Variants in RIPK1 observed in about 807,000 individuals in gnomAD.
The protein encoded by RIPK1 is receptor interacting serine/threonine kinase 1, also known as receptor-interacting serine/threonine-protein kinase 1.
In RIPK1, 27 loss-of-function variants were observed where a neutral mutation model predicts 62.4. The ratio of observed to expected loss-of-function variants is 0.43; its 90% confidence interval spans 0.32 to 0.60. RIPK1 has a LOEUF of 0.60. RIPK1 is among the 20% of genes least tolerant of loss of function. The probability of loss-of-function intolerance (pLI) is 0.07; values close to 1 mark genes in which losing one functional copy is unlikely to be tolerated. For missense variants in RIPK1, 735 were observed against 831.0 expected, an observed-to-expected ratio of 0.88 and a Z score of 1.42; for synonymous variants, 287 against 303.2, an observed-to-expected ratio of 0.95 and a Z score of 0.55.
chr6:3,099,040 G>C (rs746596164), intron 7 of RIPK1, among the ~76,000 whole-genome samples: 4 of 152,228 alleles, frequency 2.6e-5, no homozygotes, highest in Non-Finnish European at 5.9e-5. Context: ...ATCCCTCCTT[G>C]AGGGGGAATC....
chr6:3,095,487 AG>A (rs1760241399), intron 7 of RIPK1, among the ~76,000 whole-genome samples: 1 of 152,246 alleles, frequency 6.6e-6, no homozygotes, highest in Non-Finnish European at 1.5e-5. Flanking sequence ...CTGGAAAATA[AG>A]GTACAAGAAA....
At chr6:3,099,375 T>G (rs926401090) in intron 7 of RIPK1, among the ~76,000 whole-genome samples, 7 of 152,206 alleles carry the variant, frequency 4.6e-5, no homozygotes, top group Non-Finnish European at 8.8e-5. Flanking sequence ...AAACCCCATC[T>G]CTACTAAAAA....
chr6:3,083,187 G>A lies in RIPK1; in HGVS notation c.562G>A (p.Gly188Ser), dbSNP rs369855897. ...EVDGTAKKNG[G>S]TLYYMAPEHL... ...GGACGGCACCGCTAAGAAGAATGGC[G>A]GCACCCTCTACTACATGGCGCCCGA... The change falls in exon 5 of 11, where the codon GGC (glycine) becomes AGC (serine). Residue 188 changes from glycine (G) to serine (S), a missense_variant. Physicochemically the swap from Gly to Ser is moderately conservative, Grantham distance 56. Around this residue, in one of 2 missense-constraint regions of RIPK1, gnomAD observed 671 missense variants for 726.2 expected, o/e 0.92. Transcript: ENST00000259808. 59 of 1,613,992 alleles carry A rather than the reference G, an allele frequency of 3.7e-5. No individual in the cohort carries two copies. Among genetic ancestry groups the A allele is most frequent in the Non-Finnish European group, 4.3e-5 (51 of 1,179,978 alleles).
At chr6:3,073,165 T>C (rs1474650419) in intron 1 of RIPK1, among the ~76,000 whole-genome samples, 5 of 151,748 alleles carry the variant, frequency 3.3e-5, no homozygotes, top group African/African-American at 1.2e-4. Flanking sequence ...TAGACAAATA[T>C]AGCTATATAT....
rs746209638 is a variant in RIPK1 at position 3,113,184 on chromosome 6, C to T, written c.1861C>T (p.Arg621Ter). 7 of 1,613,768 alleles carry T rather than the reference C, an allele frequency of 4.3e-6. No individual in the cohort carries two copies. The highest frequency in any genetic ancestry group is 5.9e-6 in the Non-Finnish European group (7 of 1,179,932). The change falls in exon 11 of 11, where the codon CGA (arginine) becomes TGA (stop). Residue 621 changes from arginine (R) to a stop codon, truncating the protein, a stop_gained. Transcript: ENST00000259808. LOFTEE classifies it high-confidence loss of function. This position sits in a 1 kb window ranked among gnomAD's most constrained non-coding sequence, Gnocchi z 5.0. Reference sequence around the variant, plus strand: ...TGATGAAATTGACCATGACTATGAGCGAGATGGACTGAAAGAAAAGGTTTA... The same window carrying T: ...TGATGAAATTGACCATGACTATGAGTGAGATGGACTGAAAGAAAAGGTTTA... The part of the protein sequence containing the change: ...QIDEIDHDYE[R>*]DGLKEKVYQM...
At chr6:3,090,656 A>G (rs976886942) in intron 7 of RIPK1, among the ~76,000 whole-genome samples, 4 of 152,162 alleles carry the variant, frequency 2.6e-5, no homozygotes, top group African/African-American at 9.7e-5. Context: ...TTCAATTGAT[A>G]GAACGAGCAA....
chr6:3,106,012 A>T lies in RIPK1; in HGVS notation c.1537A>T (p.Asn513Tyr). ...AGTGCCTGAGACCAACTATCTAGGA[A>T]ATACACCCACCATGCCATTCAGCTC... The part of the protein sequence containing the change: ...IPVPETNYLG[N>Y]TPTMPFSSLP... The change falls in exon 9 of 11, where the codon AAT becomes TAT. Residue 513 changes from asparagine (N) to tyrosine (Y), a missense_variant. By Grantham distance (143) the Asn-to-Tyr change is moderately radical (BLOSUM62 -2). Around this residue, in one of 2 missense-constraint regions of RIPK1, gnomAD observed 671 missense variants for 726.2 expected, o/e 0.92. Coordinates refer to ENST00000259808, the MANE Select transcript of RIPK1 (RefSeq NM_001354930.2). 1 of 1,612,726 alleles carries T rather than the reference A, an allele frequency of 6.2e-7. No homozygotes were observed. The highest frequency in any genetic ancestry group is 1.7e-4 in the Middle Eastern group (1 of 6,060).
chr6:3,114,591 A>AT lies in RIPK1; in HGVS notation c.*1254dup, dbSNP rs1415662390. The stretch of plus-strand genomic sequence containing the variant: ...ATGGTCAATCTGGCTGTCGGAACAG[A>AT]TTCTGGTGTCTTGGGCTGATAACAG... On this transcript the variant is annotated 3_prime_UTR_variant, in exon 11 of 11. Coordinates refer to ENST00000259808, the MANE Select transcript of RIPK1 (RefSeq NM_001354930.2). This position sits in a 1 kb window ranked among gnomAD's most constrained non-coding sequence, Gnocchi z 5.0. The AT allele has an allele frequency of 3.3e-5, 5 of 152,414 alleles. No homozygotes were observed. Among genetic ancestry groups the AT allele is most frequent in the South Asian group, 4.1e-4 (2 of 4,828 alleles). 9.4% of individuals were successfully genotyped at this position (152,414 alleles called of 1,614,324 possible).
chr6:3,075,928 C>A (rs1454509154), intron 1 of RIPK1, among the ~76,000 whole-genome samples: 15 of 151,098 alleles, frequency 9.9e-5, no homozygotes, highest in African/African-American at 3.7e-4. Flanking sequence ...TTCATCCTTT[C>A]ATCAAAGGGT....
intron 6 of RIPK1, 21 bp downstream of exon 6, chr6:3,085,429 T>A (rs1759638428): frequency 6.2e-7 from 1 of 1,613,002 alleles, no homozygotes; most frequent in Admixed American, 1.7e-5. Flanking sequence ...CTTTTCTGAC[T>A]GTGTAGGATG....
intron 7 of RIPK1, among the ~76,000 whole-genome samples, chr6:3,094,199 C>T (rs576114144): frequency 1.4e-5 from 2 of 139,774 alleles, no homozygotes. Flanking sequence ...CTAGTAACTG[C>T]AGAGTACCTA....
intron 7 of RIPK1, among the ~76,000 whole-genome samples, chr6:3,099,812 C>T (rs1760503598): frequency 1.3e-5 from 2 of 152,096 alleles, no homozygotes; most frequent in Admixed American, 1.3e-4. Context: ...GTGAGGCACC[C>T]AACAAACTCC....
At chr6:3,079,741 T>C (rs902979427) in intron 3 of RIPK1, among the ~76,000 whole-genome samples, 3 of 152,242 alleles carry the variant, frequency 2.0e-5, no homozygotes, top group Non-Finnish European at 4.4e-5. Context: ...TGATCACTTA[T>C]ACGCATGGTA....
chr6:3,084,350 C>G (rs1044678472), intron 5 of RIPK1, among the ~76,000 whole-genome samples: 3 of 152,156 alleles, frequency 2.0e-5, no homozygotes, highest in Non-Finnish European at 4.4e-5. Context: ...CTGGCCTTTG[C>G]TTCTCTACTG....
At chr6:3,066,084 A>G (rs2113519643), upstream of RIPK1, among the ~76,000 whole-genome samples, 1 of 152,118 alleles carries the variant, frequency 6.6e-6, no homozygotes, top group Non-Finnish European at 1.5e-5. Context: ...CCCAGGCTGG[A>G]GCAATCTTGG....
At chr6:3,073,137 C>T (rs924952521) in intron 1 of RIPK1, among the ~76,000 whole-genome samples, 3 of 151,782 alleles carry the variant, frequency 2.0e-5, no homozygotes, top group Admixed American at 6.6e-5. Flanking sequence ...CAAATATATA[C>T]ATATACGTAT....
rs1320220322 is a variant in RIPK1, at chr6:3,072,312, A to G, written c.-61+3651A>G. Among the ~76,000 whole-genome samples, 1 of 152,236 alleles carries G rather than the reference A, an allele frequency of 6.6e-6. No homozygotes were observed. The highest frequency in any genetic ancestry group is 2.4e-5 in the African/African-American group (1 of 41,454). ...TAAAGAAGAAAGTAAAAATCAACCT[A>G]TCATCAAGATACAATCCTTGTTAAC... On this transcript the variant is annotated intron_variant, in intron 1 of 10. Coordinates refer to ENST00000259808, the MANE Select transcript of RIPK1 (RefSeq NM_001354930.2). This position sits in a 1 kb window ranked among gnomAD's most constrained non-coding sequence, Gnocchi z 5.6.
At position 3,072,988 on chromosome 6, in the gene RIPK1, G is replaced by A. The variant is rs1758815209; in HGVS notation, c.-60-3776G>A. On this transcript the variant is annotated intron_variant, in intron 1 of 10. Transcript: ENST00000259808. The surrounding 1 kb of genome is among the most constrained non-coding windows in gnomAD (Gnocchi z 5.6). ...CAGAGTGATCCCAGCTGAGAATGTT[G>A]GCATTCTCAAAGCCCAAGGAAACAA... is the stretch of plus-strand genomic sequence containing the variant. Among the ~76,000 whole-genome samples the A allele has an allele frequency of 6.6e-6, 1 of 152,100 alleles. No individual in the cohort carries two copies. The highest frequency in any genetic ancestry group is 1.5e-5 in the Non-Finnish European group (1 of 68,010).
chr6:3,100,045 A>G (rs1760513534), intron 7 of RIPK1, among the ~76,000 whole-genome samples: 1 of 152,242 alleles, frequency 6.6e-6, no homozygotes, highest in East Asian at 1.9e-4. Flanking sequence ...GTAATGATAT[A>G]GAAAGATCTT....
Sources: allele counts gnomAD v4.1 joint callset (sites outside exome capture counted in the v4.1 genomes callset), GRCh38; gene constraint gnomAD v4.1.1; regional missense constraint gnomAD v4.1.1; non-coding constraint Gnocchi (gnomAD v3.1); transcripts MANE v1.5; gene names NCBI Gene and HGNC (gene_info 2026-07-23, HGNC 2026-07-21).